Variants in JAK2 observed in about 807,000 individuals in gnomAD.
JAK2 encodes the protein tyrosine-protein kinase JAK2.
JAK2 carries 86 observed loss-of-function variants against 139.3 expected under a neutral mutation model. That is an observed-to-expected ratio of 0.62 (90% CI 0.52 to 0.74). The LOEUF (loss-of-function observed/expected upper bound fraction) is 0.74. Among genes scored for constraint, JAK2 ranks in the 30% least tolerant of loss-of-function variants. The pLI, the probability that JAK2 is intolerant of heterozygous loss-of-function variation, is 0.00. For missense variants in JAK2, 1,421 were observed against 1,360.3 expected, an observed-to-expected ratio of 1.04 and a Z score of -0.70; for synonymous variants, 490 against 437.7, an observed-to-expected ratio of 1.12 and a Z score of -1.49.
intron 2 of JAK2, among the ~76,000 whole-genome samples, chr9:5,013,050 C>CT (rs1344348058): frequency 6.6e-6 from 1 of 152,112 alleles, no homozygotes; most frequent in Non-Finnish European, 1.5e-5. Flanking sequence ...TATTGATGGA[C>CT]TGGATATAGG....
intron 19 of JAK2, among the ~76,000 whole-genome samples, chr9:5,082,285 A>C (rs1156749733): frequency 2.6e-5 from 4 of 152,194 alleles, no homozygotes; most frequent in Non-Finnish European, 5.9e-5. Flanking sequence ...GAAGGTCAGC[A>C]AGAAAACATG....
chr9:5,054,702 CTT>C lies in JAK2; in HGVS notation c.755_756del (p.Leu252GlnfsTer19), dbSNP rs1817642024. ...QCKATARNLK[L>X]KYLINLETLQ... ...CAAAGCCACTGCCAGAAACTTGAAACTTAAGTATCTTATAAATCTGGAAACTC... is the reference window on the plus strand; with the variant it reads ...CAAAGCCACTGCCAGAAACTTGAAACAAGTATCTTATAAATCTGGAAACTC... On this transcript the variant is annotated frameshift_variant, in exon 7 of 25. Coordinates refer to ENST00000381652, the MANE Select transcript of JAK2 (RefSeq NM_004972.4). LOFTEE classifies it high-confidence loss of function. The surrounding 1 kb of genome is among the most constrained non-coding windows in gnomAD (Gnocchi z 4.9). The C allele has an allele frequency of 6.2e-7, 1 of 1,613,384 alleles. No individual in the cohort carries two copies. Among genetic ancestry groups the C allele is most frequent in the Non-Finnish European group, 8.5e-7 (1 of 1,179,460 alleles).
chr9:5,101,804 A>G (rs1821511274), intron 22 of JAK2, among the ~76,000 whole-genome samples: 1 of 152,234 alleles, frequency 6.6e-6, no homozygotes. Flanking sequence ...CCTGCAGCTG[A>G]GGGACCTGAC....
chr9:5,090,986 T>G, intron 22 of JAK2, 75 bp downstream of exon 22: 1 of 1,114,768 alleles, frequency 9.0e-7, no homozygotes, highest in Non-Finnish European at 1.3e-6. Context: ...TTTAATAGTT[T>G]GCCATTTCTA....
At position 5,041,217 on chromosome 9, in the gene JAK2, T is replaced by TG. The variant is rs1816481223; in HGVS notation, c.351-3182dup. 3.6e-5 allele frequency: 53 copies of TG among 1,467,522 alleles called. 2 individuals are homozygous for TG. The South Asian group carries it at 4.8e-4, about 13-fold the overall frequency. The allele number at this position is 1,467,522 out of a possible 1,614,324, so 90.9% of individuals were successfully genotyped here. ...GACGTGAAGCCCGAGAACTTCCTGG[T>TG]GGGGCGCCCGGGGACCAAGCGGCAG... On this transcript the variant is annotated intron_variant, in intron 4 of 24. Transcript: ENST00000381652.
chr9:5,036,186 T>C (rs1355822607), intron 4 of JAK2, among the ~76,000 whole-genome samples: 2 of 152,144 alleles, frequency 1.3e-5, no homozygotes, highest in Non-Finnish European at 2.9e-5. Flanking sequence ...GAAGGACCTC[T>C]TCAAGGAGAA....
rs1030790905 is a variant in JAK2 at position 5,080,753 on chromosome 9, AT to A, written c.2434+75del. 3 of 1,197,452 alleles carry A rather than the reference AT, an allele frequency of 2.5e-6. No homozygotes were observed. In the African/African-American group the frequency reaches 4.8e-5, roughly 19 times the overall value. 74.2% of individuals were successfully genotyped at this position (1,197,452 alleles called of 1,614,324 possible). On this transcript the variant is annotated intron_variant, in intron 18 of 24. Coordinates refer to ENST00000381652, the MANE Select transcript of JAK2 (RefSeq NM_004972.4). Reference sequence around the variant, plus strand: ...TATTGTATTTAATGAATCATTACTAATTTTTAATTCCTTTAAAACATTTTCT... The same window carrying A: ...TATTGTATTTAATGAATCATTACTAATTTTAATTCCTTTAAAACATTTTCT...
chr9:5,129,610 TA>T lies in JAK2; in HGVS notation c.*2820del, dbSNP rs1824213390. On this transcript the variant is annotated 3_prime_UTR_variant, in exon 25 of 25. Coordinates refer to ENST00000381652, the MANE Select transcript of JAK2 (RefSeq NM_004972.4). Reference sequence around the variant, plus strand: ...ATTATCCAAACAAAAGACTAGGTTTTATGAGATAAGCTTGATTTAAGAAAAA... The same window carrying T: ...ATTATCCAAACAAAAGACTAGGTTTTTGAGATAAGCTTGATTTAAGAAAAA... 6.6e-6 allele frequency among the ~76,000 whole-genome samples: 1 copy of T among 152,146 alleles called. No individual in the cohort carries two copies. The highest frequency in any genetic ancestry group is 2.1e-4 in the South Asian group (1 of 4,832).
chr9:5,022,267 G>C (rs897433600), intron 3 of JAK2, 54 bp downstream of exon 3: 2 of 1,236,556 alleles, frequency 1.6e-6, no homozygotes, highest in Non-Finnish European at 2.4e-6. Context: ...TTTTAATTAT[G>C]CTATGCTAAT....
rs560565735 is a variant in JAK2 at position 5,042,056 on chromosome 9, G to A, written c.351-2347G>A. 4 of 243,892 alleles carry A rather than the reference G, an allele frequency of 1.6e-5. No homozygotes were observed. The East Asian group carries it at 4.0e-4, about 24-fold the overall frequency. The allele number at this position is 243,892 out of a possible 1,614,324, so 15.1% of individuals were successfully genotyped here. A position where few individuals can be genotyped will look rare whatever the true frequency, so the allele number is the denominator to read the frequency against. On this transcript the variant is annotated intron_variant, in intron 4 of 24. Coordinates refer to ENST00000381652, the MANE Select transcript of JAK2 (RefSeq NM_004972.4). The stretch of plus-strand genomic sequence containing the variant: ...CTGGAAGCCAGGACACAGACTGCAG[G>A]GTCTTGGCCGGCGGCCCCATCCCCG...
intron 22 of JAK2, among the ~76,000 whole-genome samples, chr9:5,106,411 A>G (rs1738649963): frequency 6.6e-6 from 1 of 152,212 alleles, no homozygotes; most frequent in South Asian, 2.1e-4. Flanking sequence ...ATGCTGGAGA[A>G]GATGTGGCGA....
At chr9:4,984,530 G>T (rs1887428), upstream of JAK2, 10 of 152,336 alleles carry the variant, frequency 6.6e-5, no homozygotes, top group African/African-American at 2.2e-4. Context: ...GGTGGCTGAT[G>T]GGAGTCAGGC....
At chr9:5,000,721 A>C (rs1040942480) in intron 2 of JAK2, among the ~76,000 whole-genome samples, 4 of 152,194 alleles carry the variant, frequency 2.6e-5, no homozygotes, top group Admixed American at 6.5e-5. Flanking sequence ...TGTCTTAAAA[A>C]TAATTAGTTT....
intron 2 of JAK2, among the ~76,000 whole-genome samples, chr9:5,007,981 G>A (rs1473812243): frequency 4.0e-5 from 6 of 151,694 alleles, no homozygotes; most frequent in Admixed American, 3.3e-4. Flanking sequence ...CCCCCGCCTC[G>A]GCCTCCCAAA....
At chr9:5,080,171 TA>T (rs1334433870) in intron 16 of JAK2, 57 bp from the exon 17 acceptor site, 2 of 1,285,902 alleles carry the variant, frequency 1.6e-6, no homozygotes, top group Non-Finnish European at 2.2e-6. Context: ...TATTTACATA[TA>T]AAAGATTGGT....
rs781669824 is a variant in JAK2 at position 5,077,567 on chromosome 9, C to T, written c.1979C>T (p.Ala660Val). 8.1e-6 allele frequency: 12 copies of T among 1,482,372 alleles called. No homozygotes were observed. The highest frequency in any genetic ancestry group is 5.9e-5 in the South Asian group (4 of 67,656). The allele number at this position is 1,482,372 out of a possible 1,614,324, so 91.8% of individuals were successfully genotyped here. A position where few individuals can be genotyped will look rare whatever the true frequency, so the allele number is the denominator to read the frequency against. ...KLEVAKQLAWAMHFLEENTLI... is the reference protein window; with the variant it reads ...KLEVAKQLAWVMHFLEENTLI... Reference sequence around the variant, plus strand: ...GAAGTTGCTAAACAGTTGGCATGGGCCATGCATTTTCTAGTAAGTAGTACA... The same window carrying T: ...GAAGTTGCTAAACAGTTGGCATGGGTCATGCATTTTCTAGTAAGTAGTACA... Residue 660 changes from alanine to valine, a missense_variant, in exon 15 of 25, where the codon GCC becomes GTC. By Grantham distance (64) the Ala-to-Val change is moderately conservative. Coordinates refer to ENST00000381652, the MANE Select transcript of JAK2 (RefSeq NM_004972.4).
intron 5 of JAK2, among the ~76,000 whole-genome samples, chr9:5,044,850 G>C (rs1265305602): frequency 6.6e-6 from 1 of 152,108 alleles, no homozygotes; most frequent in Non-Finnish European, 1.5e-5. Context: ...TAAAATATTA[G>C]TAACATTTCT....
At chr9:5,097,858 C>G (rs1412995820) in intron 22 of JAK2, 1 of 152,210 alleles carries the variant, frequency 6.6e-6, no homozygotes, top group African/African-American at 2.4e-5. Context: ...TTCCCCCATT[C>G]TCAGGTTATA....
chr9:5,108,233 T>A (rs1586810122), intron 22 of JAK2: 1 of 152,144 alleles, frequency 6.6e-6, no homozygotes, highest in Admixed American at 6.5e-5. Flanking sequence ...GCAGATTTTT[T>A]AAAATTATAG....
Sources: gnomAD v4.1 joint callset for allele counts (sites outside exome capture counted in the v4.1 genomes callset) on GRCh38, gnomAD v4.1.1 for gene constraint, Gnocchi (gnomAD v3.1) non-coding constraint, MANE v1.5 for transcripts, NCBI Gene and HGNC (gene_info 2026-07-23, HGNC 2026-07-21) for gene names.